KCTD16: variants seen among roughly 807,000 people sequenced by gnomAD.
The protein encoded by KCTD16 is potassium channel tetramerization domain containing 16.
Under a neutral mutation model 33.2 loss-of-function variants are expected in KCTD16, and 13 were observed. The ratio of observed to expected loss-of-function variants is 0.39; its 90% CI spans 0.25 to 0.62. The LOEUF is 0.62. Among genes scored for constraint, KCTD16 ranks in the 20% least tolerant of loss-of-function variants. KCTD16 has a pLI of 0.50. For synonymous variants in KCTD16, 197 were observed against 195.3 expected, an observed-to-expected ratio of 1.01 and a Z score of -0.07; for missense variants, 441 against 525.1, an observed-to-expected ratio of 0.84 and a Z score of 1.57.
intron 3 of KCTD16, among the ~76,000 whole-genome samples, chr5:144,353,707 A>G (rs1253321001): frequency 1.3e-5 from 2 of 152,176 alleles, no homozygotes; most frequent in Non-Finnish European, 2.9e-5. Flanking sequence ...TTAACAATAA[A>G]GAGCTTTCCT....
chr5:144,451,127 AT>A (rs1753931853), intron 3 of KCTD16, among the ~76,000 whole-genome samples: 2 of 152,106 alleles, frequency 1.3e-5, no homozygotes, highest in Admixed American at 1.3e-4. Flanking sequence ...CCATTGAGGA[AT>A]TTTTAGAATC....
intron 3 of KCTD16, among the ~76,000 whole-genome samples, chr5:144,399,245 T>C (rs936486579): frequency 2.0e-5 from 3 of 152,188 alleles, no homozygotes; most frequent in Admixed American, 1.3e-4. Context: ...AATTTTGTTT[T>C]TCTCCCAAGT....
intron 3 of KCTD16, among the ~76,000 whole-genome samples, chr5:144,253,198 C>A (rs1277261853): frequency 6.6e-6 from 1 of 152,086 alleles, no homozygotes; most frequent in Non-Finnish European, 1.5e-5. Flanking sequence ...CCACCACTTG[C>A]AGGTAGATAC....
At position 144,355,949 on chromosome 5, in the gene KCTD16, TGA is replaced by T. The variant is rs574840964; in HGVS notation, c.833-117708_833-117707del. On this transcript the variant is annotated intron_variant, in intron 3 of 3. Transcript: ENST00000512467. Reference sequence around the variant, plus strand: ...TTGGGAGAAATATCTGTGTAGCTTCTGAGATATTGAAAGGAGAAATTTTAGCC... The same window carrying T: ...TTGGGAGAAATATCTGTGTAGCTTCTGATATTGAAAGGAGAAATTTTAGCC... Among the ~76,000 whole-genome samples the T allele has an allele frequency of 1.0e-3, 154 of 152,316 alleles. 2 individuals are homozygous for T. The highest frequency in any genetic ancestry group is 9.9e-3 in the Admixed American group (151 of 15,300).
At chr5:144,268,464 A>G (rs531259038) in intron 3 of KCTD16, among the ~76,000 whole-genome samples, 1 of 152,294 alleles carries the variant, frequency 6.6e-6, no homozygotes, top group Non-Finnish European at 1.5e-5. Flanking sequence ...AACTTTATAT[A>G]CAGGGAAAGT....
chr5:144,427,040 T>G lies in KCTD16; in HGVS notation c.833-46620T>G, dbSNP rs534804929. ...TAGGTCTTTCGTATTCTCTGTTCCCTCTTCCTGGAACACTTTGGCCTAATT... is the reference window on the plus strand; with the variant it reads ...TAGGTCTTTCGTATTCTCTGTTCCCGCTTCCTGGAACACTTTGGCCTAATT... On this transcript the variant is annotated intron_variant, in intron 3 of 3. Coordinates refer to ENST00000512467, the MANE Select transcript of KCTD16 (RefSeq NM_020768.4). Among the ~76,000 whole-genome samples, 3 of 152,298 alleles carry G rather than the reference T, an allele frequency of 2.0e-5. No homozygotes were observed. The East Asian group carries it at 5.8e-4, about 29-fold the overall frequency.
intron 3 of KCTD16, among the ~76,000 whole-genome samples, chr5:144,448,645 C>A (rs1753875289): frequency 6.6e-6 from 1 of 152,024 alleles, no homozygotes; most frequent in African/African-American, 2.4e-5. Context: ...GAGACAAGAG[C>A]AAGCATATTT....
chr5:144,428,027 T>C (rs114813057), intron 3 of KCTD16, among the ~76,000 whole-genome samples: 161 of 152,258 alleles, frequency 1.1e-3, no homozygotes, highest in African/African-American at 3.7e-3. Flanking sequence ...ATTTGACCTC[T>C]TTCCCTTCAT....
intron 3 of KCTD16, among the ~76,000 whole-genome samples, chr5:144,319,145 AT>A (rs2126883283): frequency 6.6e-6 from 1 of 152,112 alleles, no homozygotes; most frequent in South Asian, 2.1e-4. Context: ...TAATAACTAA[AT>A]TTTGTTATAT....
intron 3 of KCTD16, among the ~76,000 whole-genome samples, chr5:144,322,975 A>G (rs1278759150): frequency 2.6e-5 from 4 of 152,118 alleles, no homozygotes; most frequent in African/African-American, 4.8e-5. Context: ...ATGAACTCCT[A>G]TGGGCCCATT....
chr5:144,276,919 C>T (rs146123367), intron 3 of KCTD16, among the ~76,000 whole-genome samples: 161 of 150,688 alleles, frequency 1.1e-3, no homozygotes, highest in African/African-American at 3.7e-3. Context: ...AAAAAAGAAA[C>T]TCCATCCCAT....
intron 2 of KCTD16, among the ~76,000 whole-genome samples, chr5:144,178,409 CTT>C (rs1196052452): frequency 3.3e-5 from 5 of 152,060 alleles, no homozygotes; most frequent in African/African-American, 1.2e-4. Flanking sequence ...ATACTTAACT[CTT>C]TTCTTTAAAT....
intron 3 of KCTD16, among the ~76,000 whole-genome samples, chr5:144,470,625 T>A (rs761512525): frequency 3.9e-5 from 6 of 152,206 alleles, no homozygotes; most frequent in Non-Finnish European, 8.8e-5. Context: ...GGAAACATGG[T>A]AGTATGACAA....
intron 3 of KCTD16, among the ~76,000 whole-genome samples, chr5:144,407,567 T>C (rs1303728396): frequency 6.6e-6 from 1 of 152,186 alleles, no homozygotes; most frequent in South Asian, 2.1e-4. Context: ...CTGGGATACA[T>C]GTGTAGAATG....
chr5:144,313,109 A>G (rs574172410), intron 3 of KCTD16, among the ~76,000 whole-genome samples: 9 of 152,350 alleles, frequency 5.9e-5, no homozygotes, highest in African/African-American at 2.2e-4. Flanking sequence ...TTTTTAGGAT[A>G]TGGAGAAAGG....
chr5:144,234,235 A>G (rs1334707008), intron 3 of KCTD16, among the ~76,000 whole-genome samples: 1 of 151,948 alleles, frequency 6.6e-6, no homozygotes, highest in East Asian at 1.9e-4. Flanking sequence ...AATTGTTCAA[A>G]CCTCCCTATT....
intron 3 of KCTD16, among the ~76,000 whole-genome samples, chr5:144,312,650 C>A (rs1342037663): frequency 6.6e-6 from 1 of 152,176 alleles, no homozygotes; most frequent in Non-Finnish European, 1.5e-5. Context: ...AGAGGAAATT[C>A]TTTCTTGATT....
chr5:144,427,853 G>T (rs1249584681), intron 3 of KCTD16, among the ~76,000 whole-genome samples: 1 of 152,058 alleles, frequency 6.6e-6, no homozygotes, highest in Non-Finnish European at 1.5e-5. Context: ...AAAATGGAAA[G>T]GTTACTCCAT....
At chr5:144,186,733 T>C (rs1217523521) in intron 2 of KCTD16, among the ~76,000 whole-genome samples, 1 of 152,200 alleles carries the variant, frequency 6.6e-6, no homozygotes, top group African/African-American at 2.4e-5. Flanking sequence ...ATTACCAAAC[T>C]GATCAAGGTA....
Sources: gnomAD v4.1 joint callset for allele counts (sites outside exome capture counted in the v4.1 genomes callset) on GRCh38, gnomAD v4.1.1 for gene constraint, MANE v1.5 for transcripts, NCBI Gene and HGNC (gene_info 2026-07-23, HGNC 2026-07-21) for gene names.